Variants in TEDC2 observed in about 807,000 individuals in gnomAD.
The protein encoded by TEDC2 is tubulin epsilon and delta complex protein 2.
Under a neutral mutation model 48.1 loss-of-function variants are expected in TEDC2, and 49 were observed. The observed-to-expected ratio is 1.02, with a 90% confidence interval of 0.81 to 1.29. The LOEUF (loss-of-function observed/expected upper bound fraction) is 1.29. Ranked by LOEUF, TEDC2 falls within the 50% of genes most tolerant of loss-of-function variation. The probability of loss-of-function intolerance (pLI) is 0.00; values close to 1 mark genes in which losing one functional copy is unlikely to be tolerated. For missense variants in TEDC2, 631 were observed against 571.4 expected (o/e 1.10, Z -1.06); for synonymous variants, 299 against 247.1 (o/e 1.21, Z -1.97).
intron 4 of TEDC2, 56 bp from the exon 5 acceptor site, chr16:2,461,691 G>T: frequency 6.2e-7 from 1 of 1,602,650 alleles, no homozygotes; most frequent in South Asian, 1.1e-5. Flanking sequence ...CAGGAAGTGG[G>T]ACTTGTAGAC....
chr16:2,464,406 C>T, intron 9 of TEDC2, 116 bp from the exon 10 acceptor site: 2 of 1,346,350 alleles, frequency 1.5e-6, no homozygotes, highest in East Asian at 2.4e-5. Context: ...AGGAGGGAGC[C>T]TGGAGCCTCA....
intron 4 of TEDC2, 39 bp from the exon 5 acceptor site, chr16:2,461,708 G>A: frequency 1.2e-6 from 2 of 1,612,520 alleles, no homozygotes; most frequent in Non-Finnish European, 1.7e-6. Flanking sequence ...AGACCCCAGA[G>A]CAAGGCGATG....
intron 8 of TEDC2, among the ~76,000 whole-genome samples, chr16:2,463,204 C>T (rs8044758): frequency 0.022 from 3,344 of 152,152 alleles, 102 homozygotes; most frequent in African/African-American, 0.069. Flanking sequence ...GCCTGTAGTC[C>T]CAGCTACTTG....
In TEDC2 at chr16:2,464,638, T is replaced by C; in HGVS notation, c.1272T>C (p.Leu424=). ...SLLCEGGARV[L]TILRDEPAV ...TCTGCGAGGGAGGAGCACGTGTCCT[T>C]ACCATCCTGCGGGATGAACCTGCAG... The change falls in exon 10 of 10, where the codon CTT becomes CTC. Residue 424 remains leucine (L), a synonymous_variant. Coordinates refer to ENST00000361837, the MANE Select transcript of TEDC2 (RefSeq NM_025108.3). 6.2e-7 allele frequency: 1 copy of C among 1,612,990 alleles called. No homozygotes were observed. Among genetic ancestry groups the C allele is most frequent in the Non-Finnish European group, 8.5e-7 (1 of 1,179,980 alleles).
chr16:2,462,556 G>A (rs996201839), intron 7 of TEDC2, 30 bp downstream of exon 7: 21 of 1,573,688 alleles, frequency 1.3e-5, no homozygotes, highest in Admixed American at 1.8e-5. Context: ...GTATCAGGAG[G>A]AGTGTGGAGG....
rs77567924 is a variant in TEDC2, at chr16:2,461,193, G to A, written c.574G>A (p.Ala192Thr). The A allele has an allele frequency of 1.7e-4, 249 of 1,497,250 alleles. No homozygotes were observed. In the East Asian group the frequency reaches 5.6e-3, roughly 34 times the overall value. The allele number at this position is 1,497,250 out of a possible 1,614,324, so 92.7% of individuals were successfully genotyped here. ...AATGGCCCCATCCGCTGCTCCTCAG[G>A]CCCCAGAAGCCTTCACACTCAAGGA... ...QQMAPSAAPQ[A>T]PEAFTLKEKG... Residue 192 changes from alanine (A) to threonine (T), a missense_variant, in exon 4 of 10, where the codon GCC (alanine) becomes ACC (threonine). Transcript: ENST00000361837.
Position 2,460,346 on chromosome 16 carries a change from G to A in TEDC2, c.90G>A (p.Gln30=). Residue 30 remains glutamine (Q), a synonymous_variant, in exon 2 of 10, where the codon CAG becomes CAA. Transcript: ENST00000361837. The stretch of plus-strand genomic sequence containing the variant: ...CACAGCGACAATTGCAATTGGAGCA[G>A]AGCCTGCGCGTTTGCCGTCGGCTGC... ...ACAQRQLQLE[Q]SLRVCRRLLH... 6.5e-7 allele frequency: 1 copy of A among 1,544,158 alleles called. No individual in the cohort carries two copies. Among genetic ancestry groups the A allele is most frequent in the African/African-American group, 1.4e-5 (1 of 72,692 alleles).
chr16:2,461,828 G>T, intron 5 of TEDC2, 28 bp downstream of exon 5: 1 of 1,613,168 alleles, frequency 6.2e-7, no homozygotes, highest in Non-Finnish European at 8.5e-7. Flanking sequence ...GGCTGGACGG[G>T]GGTAGGGGAG....
In TEDC2 at chr16:2,464,809, A is replaced by C; in HGVS notation, c.*141A>C. The C allele has an allele frequency of 8.5e-7, 1 of 1,179,714 alleles. No individual in the cohort carries two copies. The highest frequency in any genetic ancestry group is 1.5e-5 in the South Asian group (1 of 68,010). 73.1% of individuals were successfully genotyped at this position (1,179,714 alleles called of 1,614,324 possible). ...CCAGGTGGCCTCACTGGCTCTTCTC[A>C]GGACAACTAAGCCTGCTGGTCAGGG... On this transcript the variant is annotated 3_prime_UTR_variant, in exon 10 of 10. Coordinates refer to ENST00000361837, the MANE Select transcript of TEDC2 (RefSeq NM_025108.3).
In TEDC2 at chr16:2,464,079, G is replaced by GC. The variant is rs754384928; in HGVS notation, c.1011dup (p.Gly338ArgfsTer9). On this transcript the variant is annotated frameshift_variant, in exon 9 of 10. Coordinates refer to ENST00000361837, the MANE Select transcript of TEDC2 (RefSeq NM_025108.3). LOFTEE classifies it high-confidence loss of function. ...CACCAAGACCATGTCCTGTGGGGAG[G>GC]CCCCCCGGAGCCTCGCCGTCCTGTG... 7 of 1,612,774 alleles carry GC rather than the reference G, an allele frequency of 4.3e-6. No individual in the cohort carries two copies. The highest frequency in any genetic ancestry group is 5.9e-6 in the Non-Finnish European group (7 of 1,179,960).
chr16:2,460,904 T>C lies in TEDC2; in HGVS notation c.285T>C (p.Thr95=), dbSNP rs371259392. The C allele has an allele frequency of 3.7e-6, 6 of 1,613,462 alleles. No homozygotes were observed. Among genetic ancestry groups the C allele is most frequent in the Non-Finnish European group, 5.1e-6 (6 of 1,180,012 alleles). The change falls in exon 4 of 10, where the codon ACT becomes ACC. Residue 95 remains threonine, a synonymous_variant. Coordinates refer to ENST00000361837, the MANE Select transcript of TEDC2 (RefSeq NM_025108.3). Reference sequence around the variant, plus strand: ...CTGTACGAGTTCGAAGAGGCATCACTAAGGCCGGAGAGAGAGACAAGGCCC... The same window carrying C: ...CTGTACGAGTTCGAAGAGGCATCACCAAGGCCGGAGAGAGAGACAAGGCCC... The part of the protein sequence containing the change: ...EKAVRVRRGI[T]KAGERDKAPS...
In TEDC2 at chr16:2,460,711, G is replaced by C; in HGVS notation, c.196+18G>C. On this transcript the variant is annotated intron_variant, in intron 3 of 9. Coordinates refer to ENST00000361837, the MANE Select transcript of TEDC2 (RefSeq NM_025108.3). ...CCTTCCAGGTAAACCTCCACCACCC[G>C]CCTTCTCCAGGTGCTGCTCTGGCCT... The C allele has an allele frequency of 6.2e-7, 1 of 1,612,906 alleles. No individual in the cohort carries two copies. The highest frequency in any genetic ancestry group is 8.5e-7 in the Non-Finnish European group (1 of 1,179,914).
Position 2,462,135 on chromosome 16 carries a change from C to A in TEDC2, c.660-14C>A. ...CTCTGTGGTTCCTCTGTGCACCCCACGTGTGCACCCCAGCCTGTGGGCCCA... is the reference window on the plus strand; with the variant it reads ...CTCTGTGGTTCCTCTGTGCACCCCAAGTGTGCACCCCAGCCTGTGGGCCCA... On this transcript the variant is annotated splice_polypyrimidine_tract_variant and intron_variant, in intron 5 of 9. Transcript: ENST00000361837. 6.2e-7 allele frequency: 1 copy of A among 1,607,540 alleles called. No homozygotes were observed. The highest frequency in any genetic ancestry group is 8.5e-7 in the Non-Finnish European group (1 of 1,175,336).
At position 2,464,566 on chromosome 16, in the gene TEDC2, G is replaced by T; in HGVS notation, c.1200G>T (p.Pro400=). Reference sequence around the variant, plus strand: ...TCCCCCTGGTAAGCGCTGCACAGCCGCAGGGGCCGCCCTGGCTGGCCCTGT... The same window carrying T: ...TCCCCCTGGTAAGCGCTGCACAGCCTCAGGGGCCGCCCTGGCTGGCCCTGT... ...ELLPLVSAAQ[P]QGPPWLALCR... Residue 400 remains proline, a synonymous_variant, in exon 10 of 10, where the codon CCG becomes CCT. Transcript: ENST00000361837. The T allele has an allele frequency of 1.9e-6, 3 of 1,604,432 alleles. No individual in the cohort carries two copies. Among genetic ancestry groups the T allele is most frequent in the Non-Finnish European group, 2.5e-6 (3 of 1,178,682 alleles).
chr16:2,461,068 A>G lies in TEDC2; in HGVS notation c.449A>G (p.Lys150Arg), dbSNP rs760388995. Residue 150 changes from lysine (K) to arginine (R), a missense_variant, in exon 4 of 10, where the codon AAG (lysine) becomes AGG (arginine). Physicochemically the swap from Lys to Arg is conservative, Grantham distance 26. Transcript: ENST00000361837. ...KGLRQTTVPA[K>R]GHPERRLLSV... The stretch of plus-strand genomic sequence containing the variant: ...CTCCGCCAGACCACGGTGCCTGCCA[A>G]GGGCCACCCTGAGCGCCGGCTGCTG... 1.2e-6 allele frequency: 2 copies of G among 1,600,962 alleles called. No homozygotes were observed. The highest frequency in any genetic ancestry group is 1.1e-5 in the South Asian group (1 of 90,360).
At chr16:2,462,570 A>G in intron 7 of TEDC2, 44 bp downstream of exon 7, 1 of 1,558,232 alleles carries the variant, frequency 6.4e-7, no homozygotes, top group Non-Finnish European at 8.7e-7. Context: ...GTGGAGGGCC[A>G]GTGCAGGGAG....
chr16:2,460,442 G>A, intron 2 of TEDC2, 61 bp downstream of exon 2: 1 of 1,532,198 alleles, frequency 6.5e-7, no homozygotes, highest in East Asian at 2.5e-5. Context: ...CCCGCCCCGA[G>A]CGCCCAGGGC....
In TEDC2 at chr16:2,464,147, A is replaced by C. The variant is rs745801135; in HGVS notation, c.1073A>C (p.Tyr358Ser). The C allele has an allele frequency of 6.2e-7, 1 of 1,612,270 alleles. No individual in the cohort carries two copies. The highest frequency in any genetic ancestry group is 8.5e-7 in the Non-Finnish European group (1 of 1,179,796). ...GCATGGAGCCCCCAGCTGCTTGTCTACTCCAGCACCCAGGAGCTGCAGACC... is the reference window on the plus strand; with the variant it reads ...GCATGGAGCCCCCAGCTGCTTGTCTCCTCCAGCACCCAGGAGCTGCAGACC... ...EPAWSPQLLV[Y>S]SSTQELQTLA... is the part of the protein sequence containing the mutation. Residue 358 changes from tyrosine to serine, a missense_variant, in exon 9 of 10, where the codon TAC becomes TCC. Coordinates refer to ENST00000361837, the MANE Select transcript of TEDC2 (RefSeq NM_025108.3).
intron 4 of TEDC2, 27 bp from the exon 5 acceptor site, chr16:2,461,714 CGATGCT>C: frequency 6.2e-7 from 1 of 1,612,210 alleles, no homozygotes; most frequent in Non-Finnish European, 8.5e-7. Flanking sequence ...CAGAGCAAGG[CGATGCT>C]CCTCTGAACA....
Sources: gnomAD v4.1 joint callset for allele counts (sites outside exome capture counted in the v4.1 genomes callset) on GRCh38, gnomAD v4.1.1 for gene constraint, MANE v1.5 for transcripts, NCBI Gene and HGNC (gene_info 2026-07-23, HGNC 2026-07-21) for gene names.